BTLA: variants seen among roughly 807,000 people sequenced by gnomAD.
BTLA encodes the protein B- and T-lymphocyte attenuator.
Under a neutral mutation model 25.0 loss-of-function variants are expected in BTLA, and 11 were observed. That is an observed-to-expected ratio of 0.44 (90% CI 0.28 to 0.73). The LOEUF (loss-of-function observed/expected upper bound fraction) is 0.73. Ranked by LOEUF, BTLA falls within the 30% of genes least tolerant of loss-of-function variation. BTLA has a pLI of 0.15. For synonymous variants in BTLA, 104 were observed against 119.8 expected (o/e 0.87, Z 0.86); for missense variants, 282 against 332.8 (o/e 0.85, Z 1.19).
In BTLA at chr3:112,490,841, T is replaced by C. The variant is rs117457298; in HGVS notation, c.88+8430A>G. Reference sequence around the variant, plus strand: ...CTTATAAAAACATATCTTCTTATATTCATTTATGAAATTTTTCTTTAAGTT... The same window carrying C: ...CTTATAAAAACATATCTTCTTATATCCATTTATGAAATTTTTCTTTAAGTT... On this transcript the variant is annotated intron_variant, in intron 1 of 4. Coordinates refer to ENST00000334529, the MANE Select transcript of BTLA (RefSeq NM_181780.4). 3.2e-4 allele frequency among the ~76,000 whole-genome samples: 49 copies of C among 152,320 alleles called. No individual in the cohort carries two copies. In the East Asian group the frequency reaches 8.5e-3, roughly 26 times the overall value.
chr3:112,483,248 A>C (rs572807717), intron 1 of BTLA, among the ~76,000 whole-genome samples: 2 of 143,488 alleles, frequency 1.4e-5, no homozygotes, highest in South Asian at 4.4e-4. Flanking sequence ...TCCCGGGTTT[A>C]AGCGATTCTC....
At chr3:112,467,051 G>C (rs1015964425) in intron 4 of BTLA, among the ~76,000 whole-genome samples, 4 of 151,266 alleles carry the variant, frequency 2.6e-5, no homozygotes, top group African/African-American at 9.8e-5. Flanking sequence ...TCCGCCTCCC[G>C]GCTTCACGCC....
chr3:112,473,024 A>G (rs909263053), intron 2 of BTLA, among the ~76,000 whole-genome samples: 1 of 151,922 alleles, frequency 6.6e-6, no homozygotes, highest in Non-Finnish European at 1.5e-5. Flanking sequence ...CACCAAAAAA[A>G]CCTAATTTCC....
intron 4 of BTLA, among the ~76,000 whole-genome samples, chr3:112,468,442 T>C (rs566965899): frequency 1.3e-5 from 2 of 152,342 alleles, no homozygotes; most frequent in African/African-American, 4.8e-5. Context: ...CTTTTGATTA[T>C]TTTCTGAAAT....
In BTLA at chr3:112,466,162, T is replaced by A. The variant is rs2082225091; in HGVS notation, c.816A>T (p.Ala272=). ...CTGTTGGTGCTTCTTTTACATTTCTTGCCAGTCTTGAGTTCGGTCCAATGA... is the reference window on the plus strand; with the variant it reads ...CTGTTGGTGCTTCTTTTACATTTCTAGCCAGTCTTGAGTTCGGTCCAATGA... ...HSVIGPNSRL[A]RNVKEAPTEY... The change falls in exon 5 of 5, where the codon GCA becomes GCT. Residue 272 remains alanine, a synonymous_variant. Coordinates refer to ENST00000334529, the MANE Select transcript of BTLA (RefSeq NM_181780.4). 1.2e-6 allele frequency: 2 copies of A among 1,611,398 alleles called. No homozygotes were observed. The highest frequency in any genetic ancestry group is 1.7e-6 in the Non-Finnish European group (2 of 1,177,962).
chr3:112,468,944 G>A (rs2082245068), intron 4 of BTLA, among the ~76,000 whole-genome samples: 1 of 152,096 alleles, frequency 6.6e-6, no homozygotes, highest in Admixed American at 6.6e-5. Context: ...GTCTTTTGTG[G>A]AATTTTTAAG....
intron 2 of BTLA, among the ~76,000 whole-genome samples, chr3:112,477,866 T>C (rs938922268): frequency 3.3e-5 from 5 of 152,072 alleles, no homozygotes; most frequent in African/African-American, 1.2e-4. Context: ...CCTGGCACCA[T>C]TTATTGAGAC....
intron 1 of BTLA, 70 bp downstream of exon 1, chr3:112,499,201 G>T: frequency 1.8e-6 from 2 of 1,111,654 alleles, no homozygotes; most frequent in Non-Finnish European, 2.7e-6. Context: ...ACTAAGTTCA[G>T]CAAGGGAGAA....
chr3:112,498,568 CTTTTT>C lies in BTLA; in HGVS notation c.88+698_88+702del, dbSNP rs34606026. On this transcript the variant is annotated intron_variant, in intron 1 of 4. Coordinates refer to ENST00000334529, the MANE Select transcript of BTLA (RefSeq NM_181780.4). The stretch of plus-strand genomic sequence containing the variant: ...GACTTTACAATAAAAAAGAAATTGC[CTTTTT>C]TTTTTTTTTTTTTTTTTTGCCTGTA... Among the ~76,000 whole-genome samples the C allele has an allele frequency of 4.1e-3, 348 of 83,870 alleles. 2 individuals are homozygous for C. The highest frequency in any genetic ancestry group is 0.015 in the African/African-American group (285 of 18,884). The allele number at this position is 83,870 out of a possible 152,430, so 55.0% of individuals were successfully genotyped here. A position where few individuals can be genotyped will look rare whatever the true frequency, so the allele number is the denominator to read the frequency against.
intron 4 of BTLA, among the ~76,000 whole-genome samples, chr3:112,467,449 T>C (rs2082236522): frequency 6.6e-6 from 1 of 152,228 alleles, no homozygotes; most frequent in Non-Finnish European, 1.5e-5. Context: ...TATTTCAGTT[T>C]TTTAAATTCA....
intron 2 of BTLA, among the ~76,000 whole-genome samples, chr3:112,478,140 T>C (rs1057173928): frequency 6.6e-6 from 1 of 152,056 alleles, no homozygotes; most frequent in African/African-American, 2.4e-5. Context: ...TAGGATCAGC[T>C]TTTTTATTTC....
intron 1 of BTLA, among the ~76,000 whole-genome samples, chr3:112,481,817 T>G (rs2082319610): frequency 6.6e-6 from 1 of 152,250 alleles, no homozygotes; most frequent in Non-Finnish European, 1.5e-5. Context: ...TAATTATAAA[T>G]TCCATTTTTA....
At chr3:112,499,246 G>T (rs753949466) in intron 1 of BTLA, 25 bp downstream of exon 1, 3 of 1,522,472 alleles carry the variant, frequency 2.0e-6, no homozygotes, top group Non-Finnish European at 2.7e-6. Context: ...AATAAAACCA[G>T]AAATAACCTA....
chr3:112,480,445 A>G (rs572448896), intron 1 of BTLA, among the ~76,000 whole-genome samples: 5 of 152,336 alleles, frequency 3.3e-5, no homozygotes, highest in African/African-American at 1.2e-4. Flanking sequence ...ATAACAGAAT[A>G]CCTGAGATTG....
chr3:112,487,861 G>C (rs1300548388), intron 1 of BTLA, among the ~76,000 whole-genome samples: 1 of 152,142 alleles, frequency 6.6e-6, no homozygotes, highest in Non-Finnish European at 1.5e-5. Flanking sequence ...ATCAGGAAAG[G>C]CTTCATGGGG....
At chr3:112,484,403 C>G (rs1390294204) in intron 1 of BTLA, among the ~76,000 whole-genome samples, 1 of 152,296 alleles carries the variant, frequency 6.6e-6, no homozygotes, top group Admixed American at 6.5e-5. Flanking sequence ...CAAATGCTAA[C>G]ACATTGAGCG....
intron 2 of BTLA, among the ~76,000 whole-genome samples, chr3:112,478,751 C>A (rs2082302090): frequency 6.6e-6 from 1 of 152,098 alleles, no homozygotes; most frequent in South Asian, 2.1e-4. Flanking sequence ...ATGATGTTGG[C>A]TATAAAATTT....
In BTLA at chr3:112,480,101, T is replaced by G. The variant is rs567586714; in HGVS notation, c.89-332A>C. 3.9e-5 allele frequency among the ~76,000 whole-genome samples: 6 copies of G among 152,318 alleles called. No individual in the cohort carries two copies. In the South Asian group the frequency reaches 1.2e-3, roughly 32 times the overall value. Reference sequence around the variant, plus strand: ...GTGAAAATAGCCTTAACTGATGACATTCCACCATTGTGATTTGTTTCTTCC... The same window carrying G: ...GTGAAAATAGCCTTAACTGATGACAGTCCACCATTGTGATTTGTTTCTTCC... On this transcript the variant is annotated intron_variant, in intron 1 of 4. Transcript: ENST00000334529.
chr3:112,494,498 C>A (rs2082398259), intron 1 of BTLA, among the ~76,000 whole-genome samples: 1 of 152,094 alleles, frequency 6.6e-6, no homozygotes, highest in African/African-American at 2.4e-5. Context: ...AGACACGGAA[C>A]CAACCCAAAT....
Sources: gnomAD v4.1 joint callset for allele counts (sites outside exome capture counted in the v4.1 genomes callset) on GRCh38, gnomAD v4.1.1 for gene constraint, MANE v1.5 for transcripts, NCBI Gene and HGNC (gene_info 2026-07-23, HGNC 2026-07-21) for gene names.